PTPRM: variants seen among roughly 807,000 people sequenced by gnomAD.
PTPRM encodes the protein protein tyrosine phosphatase receptor type M, also known as receptor-type tyrosine-protein phosphatase mu.
PTPRM carries 47 observed loss-of-function variants against 186.7 expected under a neutral mutation model. The observed-to-expected ratio is 0.25, with a 90% CI of 0.20 to 0.32. The LOEUF (loss-of-function observed/expected upper bound fraction) is 0.32. PTPRM is among the 10% of genes least tolerant of loss of function. The pLI is 1.00. For synonymous variants in PTPRM, 668 were observed against 674.9 expected (o/e 0.99, Z 0.16); for missense variants, 1,494 against 1,865.0 (o/e 0.80, Z 3.66).
In PTPRM at chr18:7,955,208, G is replaced by A; in HGVS notation, c.926G>A (p.Gly309Glu). Residue 309 changes from glycine (G) to glutamate (E), a missense_variant, in exon 7 of 33, where the codon GGG becomes GAG. Physicochemically the swap from Gly to Glu is moderately conservative, Grantham distance 98 (BLOSUM62 -2). This residue lies in a region of PTPRM where 91 missense variants were observed against 169.3 expected (regional missense o/e 0.54). Coordinates refer to ENST00000580170, the MANE Select transcript of PTPRM (RefSeq NM_001105244.2). ...CAGCTCAACGCCAACTCCATCAATG[G>A]GGATGGGCCCATTGTGGCCCGAGAG... ...WIQLNANSIN[G>E]DGPIVAREVE... 1 of 1,614,182 alleles carries A rather than the reference G, an allele frequency of 6.2e-7. No individual in the cohort carries two copies. Among genetic ancestry groups the A allele is most frequent in the Non-Finnish European group, 8.5e-7 (1 of 1,180,038 alleles).
chr18:8,253,554 C>G, intron 19 of PTPRM, 140 bp downstream of exon 19: 1 of 814,610 alleles, frequency 1.2e-6, no homozygotes. Context: ...ACAGTTGTCC[C>G]TCAGTATTCT....
chr18:7,624,886 G>A (rs911427831), intron 1 of PTPRM, among the ~76,000 whole-genome samples: 1 of 152,232 alleles, frequency 6.6e-6, no homozygotes, highest in Non-Finnish European at 1.5e-5. Flanking sequence ...TGCTGGGCGT[G>A]TAGCAAGCCT....
intron 13 of PTPRM, among the ~76,000 whole-genome samples, 166 bp from the exon 14 acceptor site, chr18:8,143,481 G>A (rs932309074): frequency 1.3e-5 from 2 of 152,128 alleles, no homozygotes; most frequent in African/African-American, 4.8e-5. Context: ...GAACAATTAC[G>A]CTGCTTTCAG....
chr18:8,319,583 G>A lies in PTPRM; in HGVS notation c.2956+369G>A, dbSNP rs79542854. Among the ~76,000 whole-genome samples, 598 of 152,330 alleles carry A rather than the reference G, an allele frequency of 3.9e-3. 1 individual carries two copies. Among genetic ancestry groups the A allele is most frequent in the Non-Finnish European group, 6.6e-3 (446 of 68,028 alleles). The stretch of plus-strand genomic sequence containing the variant: ...TGGAGAGCTAGGCTGAATCCAGCAA[G>A]CACCCCCTTCTCACAGTGGTTGTGT... On this transcript the variant is annotated intron_variant, in intron 22 of 32. Coordinates refer to ENST00000580170, the MANE Select transcript of PTPRM (RefSeq NM_001105244.2).
intron 14 of PTPRM, among the ~76,000 whole-genome samples, chr18:8,192,540 T>C (rs2093722982): frequency 6.6e-6 from 1 of 152,112 alleles, no homozygotes; most frequent in Non-Finnish European, 1.5e-5. Flanking sequence ...CAAAGAATAT[T>C]GACAGGAATT....
chr18:7,845,015 A>G (rs925282406), intron 2 of PTPRM, among the ~76,000 whole-genome samples: 2 of 152,176 alleles, frequency 1.3e-5, no homozygotes, highest in African/African-American at 4.8e-5. Flanking sequence ...TAAGGTTTTT[A>G]TAGACAGTAC....
Position 8,209,718 on chromosome 18 carries a change from C to T in PTPRM, c.2301-34340C>T, listed in dbSNP as rs144014320. Among the ~76,000 whole-genome samples the T allele has an allele frequency of 1.9e-3, 285 of 151,910 alleles. 1 individual carries two copies. Among genetic ancestry groups the T allele is most frequent in the African/African-American group, 6.5e-3 (270 of 41,400 alleles). The stretch of plus-strand genomic sequence containing the variant: ...ACCCTAATCCAATATTTTATAAGGA[C>T]AAGAACAGAAAACCAGACACCGCAG... On this transcript the variant is annotated intron_variant, in intron 14 of 32. Transcript: ENST00000580170.
intron 1 of PTPRM, among the ~76,000 whole-genome samples, chr18:7,657,987 A>C (rs1016683660): frequency 7.9e-5 from 12 of 152,178 alleles, no homozygotes; most frequent in Non-Finnish European, 1.5e-4. Context: ...ATACATTGTG[A>C]AATGATTACC....
rs553794986 is a variant in PTPRM at position 7,946,870 on chromosome 18, T to C, written c.664-2311T>C. On this transcript the variant is annotated intron_variant, in intron 5 of 32. Transcript: ENST00000580170. ...GTACTATTGCAGCACTCCTGTCTGCTTTCTCACTGCCCAAGCTGAAGCTGC... is the reference window on the plus strand; with the variant it reads ...GTACTATTGCAGCACTCCTGTCTGCCTTCTCACTGCCCAAGCTGAAGCTGC... 3.1e-5 allele frequency: 14 copies of C among 453,226 alleles called. No homozygotes were observed. In the East Asian group the frequency reaches 5.6e-4, roughly 18 times the overall value. The allele number at this position is 453,226 out of a possible 1,614,324, so 28.1% of individuals were successfully genotyped here.
chr18:8,363,062 G>T (rs1223695708), intron 23 of PTPRM, among the ~76,000 whole-genome samples: 5 of 152,214 alleles, frequency 3.3e-5, no homozygotes, highest in Non-Finnish European at 7.3e-5. Flanking sequence ...TCCGGGCTCT[G>T]CTTGTCATGC....
intron 15 of PTPRM, among the ~76,000 whole-genome samples, chr18:8,245,046 C>T (rs2094464831): frequency 6.6e-6 from 1 of 152,122 alleles, no homozygotes; most frequent in Non-Finnish European, 1.5e-5. Flanking sequence ...ATTTTAAAGG[C>T]CGGTGGGCCT....
chr18:8,171,929 A>C (rs2093406958), intron 14 of PTPRM, among the ~76,000 whole-genome samples: 3 of 152,198 alleles, frequency 2.0e-5, no homozygotes, highest in Admixed American at 6.5e-5. Flanking sequence ...AAAGTGTGGA[A>C]TATCTCATTT....
intron 7 of PTPRM, among the ~76,000 whole-genome samples, chr18:8,038,581 G>A (rs573461134): frequency 7.9e-5 from 12 of 152,086 alleles, no homozygotes; most frequent in Admixed American, 3.9e-4. Context: ...TAGTAGAGAC[G>A]GGGTTTCAAC....
At chr18:7,724,182 A>G (rs2040502356) in intron 1 of PTPRM, among the ~76,000 whole-genome samples, 1 of 152,068 alleles carries the variant, frequency 6.6e-6, no homozygotes, top group South Asian at 2.1e-4. Context: ...CATTTGTTGA[A>G]TGGAAAGTAG....
At chr18:7,674,661 A>G (rs1446402989) in intron 1 of PTPRM, among the ~76,000 whole-genome samples, 1 of 152,252 alleles carries the variant, frequency 6.6e-6, no homozygotes, top group Non-Finnish European at 1.5e-5. Context: ...TGGGCAGCCC[A>G]TAATGTGTGG....
At chr18:7,923,164 A>C (rs2050968122) in intron 4 of PTPRM, among the ~76,000 whole-genome samples, 1 of 152,238 alleles carries the variant, frequency 6.6e-6, no homozygotes, top group African/African-American at 2.4e-5. Context: ...AGTGGCCGCA[A>C]GTGCAATACC....
chr18:8,288,955 A>G (rs973053592), intron 19 of PTPRM, among the ~76,000 whole-genome samples: 2 of 152,174 alleles, frequency 1.3e-5, no homozygotes, highest in African/African-American at 4.8e-5. Flanking sequence ...AAACGTGGTA[A>G]CCAGAAATCC....
intron 19 of PTPRM, 82 bp from the exon 20 acceptor site, chr18:8,296,286 G>GT: frequency 1.2e-6 from 1 of 867,076 alleles, no homozygotes; most frequent in Non-Finnish European, 2.0e-6. Flanking sequence ...CTTGTTCTAC[G>GT]TTTTTTAAGA....
intron 2 of PTPRM, among the ~76,000 whole-genome samples, chr18:7,822,485 AATAG>A (rs1280670276): frequency 2.0e-5 from 3 of 152,250 alleles, no homozygotes; most frequent in African/African-American, 7.2e-5. Context: ...CAATTTCGCC[AATAG>A]ATAGAGTCAC....
Sources: allele counts gnomAD v4.1 joint callset (sites outside exome capture counted in the v4.1 genomes callset), GRCh38; gene constraint gnomAD v4.1.1; regional missense constraint gnomAD v4.1.1; transcripts MANE v1.5; gene names NCBI Gene and HGNC (gene_info 2026-07-23, HGNC 2026-07-21).